CLTCL1: variants seen among roughly 807,000 people sequenced by gnomAD.
The protein encoded by CLTCL1 is clathrin heavy chain 2.
CLTCL1 carries 159 observed loss-of-function variants against 190.0 expected under a neutral mutation model. The ratio of observed to expected loss-of-function variants is 0.84; its 90% confidence interval spans 0.74 to 0.95. The LOEUF is 0.95. Ranked by LOEUF, CLTCL1 falls within the 40% of genes least tolerant of loss-of-function variation. The pLI is 0.00. For missense variants in CLTCL1, 1,878 were observed against 2,033.4 expected, an observed-to-expected ratio of 0.92 and a Z score of 1.47; for synonymous variants, 752 against 769.6, an observed-to-expected ratio of 0.98 and a Z score of 0.38.
chr22:19,195,423 C>T (rs885977), intron 26 of CLTCL1, among the ~76,000 whole-genome samples: 8,977 of 152,278 alleles, frequency 0.059, 331 homozygotes, highest in Middle Eastern at 0.16. Flanking sequence ...CTGAAGGCCT[C>T]ACCTGGCAGC....
chr22:19,266,150 T>G (rs2087118286), intron 2 of CLTCL1, among the ~76,000 whole-genome samples: 1 of 143,796 alleles, frequency 7.0e-6, no homozygotes, highest in African/African-American at 2.4e-5. Flanking sequence ...CCCAAAGTGC[T>G]GGGATTACAG....
chr22:19,256,354 C>CTTTT (rs1239133099), intron 2 of CLTCL1, among the ~76,000 whole-genome samples: 15 of 104,358 alleles, frequency 1.4e-4, no homozygotes, highest in South Asian at 3.4e-4. Flanking sequence ...TTTCTTTTAT[C>CTTTT]TTTTTTTTTT....
At position 19,180,764 on chromosome 22, in the gene CLTCL1, C is replaced by T. The variant is rs199569593; in HGVS notation, c.4870G>A (p.Glu1624Lys). The change falls in exon 31 of 33, where the codon GAG becomes AAG. Residue 1624 changes from glutamate to lysine, a missense_variant. Transcript: ENST00000427926. ...DALESLRKQE[E>K]HVTEPAPLVF... Reference sequence around the variant, plus strand: ...AGAGGGGCAGGCTCTGTCACATGCTCCTCTTGCTTGCGCAGACTCTCCAAG... The same window carrying T: ...AGAGGGGCAGGCTCTGTCACATGCTTCTCTTGCTTGCGCAGACTCTCCAAG... The T allele has an allele frequency of 1.5e-4, 240 of 1,613,820 alleles. No homozygotes were observed. Among genetic ancestry groups the T allele is most frequent in the Non-Finnish European group, 1.9e-4 (222 of 1,179,832 alleles).
chr22:19,221,882 A>G lies in CLTCL1; in HGVS notation c.2561+69T>C, dbSNP rs1377917166. On this transcript the variant is annotated intron_variant, in intron 16 of 32. Transcript: ENST00000427926. ...CCAGCTATAGAGACAGTCCTGGAGA[A>G]TTAGACAGAAACAACAACAGACACT... 4 of 1,552,084 alleles carry G rather than the reference A, an allele frequency of 2.6e-6. No individual in the cohort carries two copies. The African/African-American group carries it at 4.1e-5, about 16-fold the overall frequency.
chr22:19,277,240 C>T (rs529738901), intron 1 of CLTCL1, among the ~76,000 whole-genome samples: 2 of 152,278 alleles, frequency 1.3e-5, no homozygotes, highest in East Asian at 3.9e-4. Flanking sequence ...GTGGAGCAGG[C>T]TACAGGACAA....
At chr22:19,206,847 C>T (rs1011378525) in intron 22 of CLTCL1, among the ~76,000 whole-genome samples, 26 of 152,158 alleles carry the variant, frequency 1.7e-4, no homozygotes, top group African/African-American at 5.1e-4. Context: ...CTCTGCATCA[C>T]ATTTTCCAAG....
Position 19,234,629 on chromosome 22 carries a change from C to T in CLTCL1, c.1047G>A (p.Leu349=). The T allele has an allele frequency of 6.2e-7, 1 of 1,614,034 alleles. No individual in the cohort carries two copies. ...TNVLQNPDLG[L]RLAVRSNLAG... is the part of the protein sequence containing the mutation. The stretch of plus-strand genomic sequence containing the variant: ...CCAGGTTACTACGAACGGCCAAACG[C>T]AGACCAAGGTCTGGATTCTGAAGCA... The change falls in exon 7 of 33, where the codon CTG becomes CTA. Residue 349 remains leucine (L), a synonymous_variant. Transcript: ENST00000427926.
chr22:19,257,599 C>A (rs1351348789), intron 2 of CLTCL1: 2 of 404,496 alleles, frequency 4.9e-6, no homozygotes, highest in Non-Finnish European at 9.5e-6. Flanking sequence ...AGCTACAGTA[C>A]CCGGTTGATC....
rs782014996 is a variant in CLTCL1 at position 19,216,128 on chromosome 22, A to C, written c.3048T>G (p.Ser1016=). ...AGCCTCACCTGTGCTCGCTGAAGAC[A>C]GAGTTATCCAGAACTATCTTCTCCA... ...ELLEKIVLDN[S]VFSEHRNLQN... Residue 1016 remains serine (S), a synonymous_variant, in exon 19 of 33, where the codon TCT becomes TCG. Coordinates refer to ENST00000427926, the MANE Select transcript of CLTCL1 (RefSeq NM_007098.4). 1.2e-6 allele frequency: 2 copies of C among 1,613,816 alleles called. No individual in the cohort carries two copies. Among genetic ancestry groups the C allele is most frequent in the South Asian group, 1.1e-5 (1 of 91,054 alleles).
chr22:19,263,857 T>C (rs1204857715), intron 2 of CLTCL1, among the ~76,000 whole-genome samples: 12 of 152,238 alleles, frequency 7.9e-5, no homozygotes, highest in Non-Finnish European at 1.8e-4. Context: ...ATTGTAATAT[T>C]CTTTTTATTG....
At position 19,288,159 on chromosome 22, in the gene CLTCL1, T is replaced by G. The variant is rs574134176; in HGVS notation, c.42+3441A>C. Among the ~76,000 whole-genome samples the G allele has an allele frequency of 3.3e-5, 5 of 152,318 alleles. No individual in the cohort carries two copies. The East Asian group carries it at 9.6e-4, about 29-fold the overall frequency. On this transcript the variant is annotated intron_variant, in intron 1 of 32. Transcript: ENST00000427926. ...AGTAGCGGTCAGTTACCAGGTTGAC[T>G]GTTGCAGCATCACAGAGTTTGTGTT...
At chr22:19,268,763 A>G (rs1025053316) in intron 2 of CLTCL1, among the ~76,000 whole-genome samples, 3 of 152,190 alleles carry the variant, frequency 2.0e-5, no homozygotes, top group African/African-American at 7.2e-5. Context: ...ACATAAAATG[A>G]GACAGTCACT....
intron 1 of CLTCL1, among the ~76,000 whole-genome samples, chr22:19,290,597 C>G (rs537860677): frequency 7.0e-4 from 107 of 152,230 alleles, no homozygotes; most frequent in African/African-American, 2.5e-3. Context: ...CCCTGGATAT[C>G]AAGTTTCCAG....
Position 19,188,011 on chromosome 22 carries a change from G to A in CLTCL1, c.4404C>T (p.Asn1468=). 6.2e-7 allele frequency: 1 copy of A among 1,614,022 alleles called. No individual in the cohort carries two copies. Among genetic ancestry groups the A allele is most frequent in the Non-Finnish European group, 8.5e-7 (1 of 1,179,886 alleles). ...AGTCCTCCTCCTCTGTCAGCAGGTG[G>A]TTGAGTGCCTCATTCACACTCTTGT... ...HNNKSVNEAL[N]HLLTEEEDYQ... Residue 1468 remains asparagine, a synonymous_variant, in exon 28 of 33, where the codon AAC becomes AAT. Transcript: ENST00000427926.
In CLTCL1 at chr22:19,291,407, G is replaced by C. The variant is rs1158002659; in HGVS notation, c.42+193C>G. On this transcript the variant is annotated intron_variant, in intron 1 of 32. Transcript: ENST00000427926. ...CCCGCCGGTAACGGGCTTCGGCGAC[G>C]GCACCCAAGCGGGTCCTCAGGAGCG... Among the ~76,000 whole-genome samples, 6 of 152,230 alleles carry C rather than the reference G, an allele frequency of 3.9e-5. No homozygotes were observed. In the East Asian group the frequency reaches 9.7e-4, roughly 25 times the overall value.
At chr22:19,193,131 A>G (rs1327913199) in intron 26 of CLTCL1, among the ~76,000 whole-genome samples, 1 of 71,434 alleles carries the variant, frequency 1.4e-5, no homozygotes, top group Admixed American at 1.4e-4. Context: ...ATCCAAGGAC[A>G]AGCCCATTTC....
intron 24 of CLTCL1, 37 bp downstream of exon 24, chr22:19,199,697 T>C (rs1335159989): frequency 1.3e-6 from 2 of 1,505,028 alleles, no homozygotes; most frequent in Admixed American, 2.0e-5. Flanking sequence ...TAGGCATCAC[T>C]TGTCATCTGC....
intron 26 of CLTCL1, among the ~76,000 whole-genome samples, chr22:19,193,761 T>C (rs1263265904): frequency 6.6e-6 from 1 of 152,118 alleles, no homozygotes; most frequent in African/African-American, 2.4e-5. Context: ...GTGTCCAGAG[T>C]TTGTTCCTTC....
chr22:19,282,268 G>T (rs2087743344), intron 1 of CLTCL1, among the ~76,000 whole-genome samples: 1 of 151,758 alleles, frequency 6.6e-6, no homozygotes, highest in South Asian at 2.1e-4. Flanking sequence ...GGCGGAGGCT[G>T]CAGTGAGCCA....
Sources: allele counts gnomAD v4.1 joint callset (sites outside exome capture counted in the v4.1 genomes callset), GRCh38; gene constraint gnomAD v4.1.1; transcripts MANE v1.5; gene names NCBI Gene and HGNC (gene_info 2026-07-23, HGNC 2026-07-21).